Variants in ROBO3 observed in about 807,000 individuals in gnomAD.
ROBO3 encodes the protein roundabout guidance receptor 3, also known as roundabout homolog 3.
A neutral mutation model predicts 160.5 loss-of-function variants in ROBO3; 97 were observed. The observed-to-expected ratio is 0.60, with a 90% CI of 0.51 to 0.72. ROBO3 has a LOEUF of 0.72. Ranked by LOEUF, ROBO3 falls within the 30% of genes least tolerant of loss-of-function variation. ROBO3 has a pLI of 0.00. For synonymous variants in ROBO3, 780 were observed against 746.2 expected (o/e 1.05, Z -0.74); for missense variants, 1,858 against 1,846.5 (o/e 1.01, Z -0.11).
chr11:124,870,946 C>A, intron 6 of ROBO3, 68 bp from the exon 7 acceptor site: 1 of 1,575,172 alleles, frequency 6.3e-7, no homozygotes, highest in Non-Finnish European at 8.7e-7. Context: ...CTTCTCTCTC[C>A]TGTTCCTGCA....
At chr11:124,874,437 G>A (rs1409616217) in intron 12 of ROBO3, among the ~76,000 whole-genome samples, 1 of 152,172 alleles carries the variant, frequency 6.6e-6, no homozygotes, top group Non-Finnish European at 1.5e-5. Flanking sequence ...GGAGAGGGGA[G>A]GAGGGAAGAA....
At position 124,869,112 on chromosome 11, in the gene ROBO3, C is replaced by T. The variant is rs1228032187; in HGVS notation, c.471C>T (p.Ala157=). Residue 157 remains alanine (A), a synonymous_variant, in exon 2 of 28, where the codon GCC becomes GCT. Transcript: ENST00000397801. This position sits in a 1 kb window ranked among gnomAD's most constrained non-coding sequence, Gnocchi z 4.2. Reference sequence around the variant, plus strand: ...TGGGGGCAGCAGCGAGCAGAAACGCCTCGCTGGAAGTGGCAGGTGAGAGTC... The same window carrying T: ...TGGGGGCAGCAGCGAGCAGAAACGCTTCGCTGGAAGTGGCAGGTGAGAGTC... ...NYLGAAASRN[A]SLEVAVLRDD... is the part of the protein sequence containing the mutation. The T allele has an allele frequency of 1.3e-6, 2 of 1,567,036 alleles. No individual in the cohort carries two copies. Among genetic ancestry groups the T allele is most frequent in the African/African-American group, 1.4e-5 (1 of 73,960 alleles).
In ROBO3 at chr11:124,875,142, T is replaced by G. The variant is rs961180986; in HGVS notation, c.2105T>G (p.Phe702Cys). Residue 702 changes from phenylalanine to cysteine, a missense_variant, in exon 14 of 28, where the codon TTC (phenylalanine) becomes TGC (cysteine). Phe to Cys is a radical substitution (Grantham distance 205). Coordinates refer to ENST00000397801, the MANE Select transcript of ROBO3 (RefSeq NM_022370.4). Reference sequence around the variant, plus strand: ...GGCCCAGTCCAGCTGGTGCAAGGTTTCCGGGTGTCTTGGAGGGTAGCAGGC... The same window carrying G: ...GGCCCAGTCCAGCTGGTGCAAGGTTGCCGGGTGTCTTGGAGGGTAGCAGGC... ...VDGPVQLVQG[F>C]RVSWRVAGPE... 2 of 1,612,114 alleles carry G rather than the reference T, an allele frequency of 1.2e-6. No homozygotes were observed. The highest frequency in any genetic ancestry group is 1.8e-4 in the Middle Eastern group (1 of 5,682).
chr11:124,872,240 C>T lies in ROBO3; in HGVS notation c.1159-141C>T. 1.3e-6 allele frequency: 1 copy of T among 773,348 alleles called. No individual in the cohort carries two copies. Among genetic ancestry groups the T allele is most frequent in the Non-Finnish European group, 2.2e-6 (1 of 452,538 alleles). 47.9% of individuals were successfully genotyped at this position (773,348 alleles called of 1,614,324 possible). On this transcript the variant is annotated intron_variant, in intron 7 of 27. Transcript: ENST00000397801. The surrounding 1 kb of genome is among the most constrained non-coding windows in gnomAD (Gnocchi z 4.3). ...TTGTGAATACATTTAACTACTTTGC[C>T]CAAGTTCACATCACTGCTGGAGACA...
chr11:124,869,378 A>C lies in ROBO3; in HGVS notation c.488-72A>C. 1 of 1,374,284 alleles carries C rather than the reference A, an allele frequency of 7.3e-7. No homozygotes were observed. The highest frequency in any genetic ancestry group is 1.0e-6 in the Non-Finnish European group (1 of 989,108). The allele number at this position is 1,374,284 out of a possible 1,614,324, so 85.1% of individuals were successfully genotyped here. ...GCGATCAACCCCTTCCCAAGACAAC[A>C]CTTTCCCTGTGTCCTCAGCCAGTTA... is the stretch of plus-strand genomic sequence containing the variant. On this transcript the variant is annotated intron_variant, in intron 2 of 27. Transcript: ENST00000397801. This position sits in a 1 kb window ranked among gnomAD's most constrained non-coding sequence, Gnocchi z 4.2.
chr11:124,869,428 C>CGCGGG lies in ROBO3; in HGVS notation c.488-20_488-19insGGGGC. ...ATGTCACTCTACACCCTGCTTATTT[C>CGCGGG]GCCCCCCACCGCCCCGCCCAGTCCT... On this transcript the variant is annotated intron_variant, in intron 2 of 27. Transcript: ENST00000397801. This position sits in a 1 kb window ranked among gnomAD's most constrained non-coding sequence, Gnocchi z 4.2. The CGCGGG allele has an allele frequency of 7.2e-7, 1 of 1,383,810 alleles. No individual in the cohort carries two copies. Among genetic ancestry groups the CGCGGG allele is most frequent in the Non-Finnish European group, 9.9e-7 (1 of 1,012,428 alleles). 85.7% of individuals were successfully genotyped at this position (1,383,810 alleles called of 1,614,324 possible).
In ROBO3 at chr11:124,876,365, C is replaced by CGGGCAGCGGCGCAGCCTGCG; in HGVS notation, c.2689_2708dup (p.Leu904AlafsTer107). ...GTGCTGCGGGAGCCCGCCTTCCTCG[C>CGGGCAGCGGCGCAGCCTGCG]GGGCAGCGGCGCAGCCTGCGGGGCG... On this transcript the variant is annotated frameshift_variant, in exon 17 of 28. Transcript: ENST00000397801. LOFTEE classifies it high-confidence loss of function. This position sits in a 1 kb window ranked among gnomAD's most constrained non-coding sequence, Gnocchi z 5.3. The CGGGCAGCGGCGCAGCCTGCG allele has an allele frequency of 1.4e-6, 2 of 1,434,080 alleles. No individual in the cohort carries two copies. Among genetic ancestry groups the CGGGCAGCGGCGCAGCCTGCG allele is most frequent in the Non-Finnish European group, 1.8e-6 (2 of 1,102,368 alleles). 88.8% of individuals were successfully genotyped at this position (1,434,080 alleles called of 1,614,324 possible).
chr11:124,865,776 G>A lies in ROBO3; in HGVS notation c.160+39G>A, dbSNP rs1252769454. On this transcript the variant is annotated intron_variant, in intron 1 of 27. Transcript: ENST00000397801. The surrounding 1 kb of genome is among the most constrained non-coding windows in gnomAD (Gnocchi z 5.5). ...TCTTGGGGATATGGGATCCTGGGAT[G>A]GGGATGAGGTGAGAGGGCGGCGTGG... The A allele has an allele frequency of 1.3e-6, 2 of 1,566,704 alleles. No homozygotes were observed. The highest frequency in any genetic ancestry group is 1.2e-5 in the South Asian group (1 of 85,582).
intron 27 of ROBO3, 50 bp from the exon 28 acceptor site, chr11:124,881,189 T>C (rs1159690525): frequency 1.3e-6 from 2 of 1,585,130 alleles, no homozygotes; most frequent in Admixed American, 3.5e-5. Context: ...CTGGACTTGT[T>C]TGCCCTGGGC....
At position 124,869,415 on chromosome 11, in the gene ROBO3, A is replaced by T. The variant is rs1466499736; in HGVS notation, c.488-35A>T. ...TCCTCAGCCAGTTATGTCACTCTAC[A>T]CCCTGCTTATTTCGCCCCCCACCGC... is the stretch of plus-strand genomic sequence containing the variant. On this transcript the variant is annotated intron_variant, in intron 2 of 27. Coordinates refer to ENST00000397801, the MANE Select transcript of ROBO3 (RefSeq NM_022370.4). The surrounding 1 kb of genome is among the most constrained non-coding windows in gnomAD (Gnocchi z 4.2). 2.0e-6 allele frequency: 3 copies of T among 1,498,724 alleles called. No individual in the cohort carries two copies. The highest frequency in any genetic ancestry group is 2.4e-5 in the South Asian group (2 of 83,190). 92.8% of individuals were successfully genotyped at this position (1,498,724 alleles called of 1,614,324 possible).
In ROBO3 at chr11:124,870,242, A is replaced by G; in HGVS notation, c.844A>G (p.Lys282Glu). The G allele has an allele frequency of 6.2e-7, 1 of 1,613,952 alleles. No individual in the cohort carries two copies. Among genetic ancestry groups the G allele is most frequent in the South Asian group, 1.1e-5 (1 of 91,080 alleles). ...DAPVTFLCEV[K>E]GDPPPRLRWR... Reference sequence around the variant, plus strand: ...CCCTGTGACTTTCCTATGTGAGGTGAAGGGGGATCCCCCACCTCGTCTACG... The same window carrying G: ...CCCTGTGACTTTCCTATGTGAGGTGGAGGGGGATCCCCCACCTCGTCTACG... Residue 282 changes from lysine (K) to glutamate (E), a missense_variant, in exon 5 of 28, where the codon AAG becomes GAG. Transcript: ENST00000397801.
intron 23 of ROBO3, 84 bp from the exon 24 acceptor site, chr11:124,879,103 GGTT>G: frequency 7.0e-7 from 1 of 1,420,322 alleles, no homozygotes; most frequent in Non-Finnish European, 9.5e-7. Flanking sequence ...TTATCTGTTA[GGTT>G]GATTGTCTAG....
In ROBO3 at chr11:124,865,862, C is replaced by T. The variant is rs925594635; in HGVS notation, c.160+125C>T. On this transcript the variant is annotated intron_variant, in intron 1 of 27. Coordinates refer to ENST00000397801, the MANE Select transcript of ROBO3 (RefSeq NM_022370.4). This position sits in a 1 kb window ranked among gnomAD's most constrained non-coding sequence, Gnocchi z 5.5. ...GATTGAGTGGCGCCTCCCAGCGCCTCCCTGGGTCGTGGGGTCTAAGGGATA... is the reference window on the plus strand; with the variant it reads ...GATTGAGTGGCGCCTCCCAGCGCCTTCCTGGGTCGTGGGGTCTAAGGGATA... 41 of 1,143,114 alleles carry T rather than the reference C, an allele frequency of 3.6e-5. No individual in the cohort carries two copies. The African/African-American group carries it at 5.5e-4, about 15-fold the overall frequency. The allele number at this position is 1,143,114 out of a possible 1,614,324, so 70.8% of individuals were successfully genotyped here.
Position 124,876,019 on chromosome 11 carries a change from C to G in ROBO3, c.2487C>G (p.Ser829=). Residue 829 remains serine (S), a synonymous_variant, in exon 16 of 28, where the codon TCC becomes TCG. Transcript: ENST00000397801. This position sits in a 1 kb window ranked among gnomAD's most constrained non-coding sequence, Gnocchi z 5.3. Reference sequence around the variant, plus strand: ...GATCTGCAGCAGGCTGGGCACGCTCCGCAATGCTCCGAGGACTGGTGCCCG... The same window carrying G: ...GATCTGCAGCAGGCTGGGCACGCTCGGCAATGCTCCGAGGACTGGTGCCCG... ...LNRSAAGWAR[S]AMLRGLVPGL... The G allele has an allele frequency of 6.2e-7, 1 of 1,603,018 alleles. No individual in the cohort carries two copies. Among genetic ancestry groups the G allele is most frequent in the Non-Finnish European group, 8.5e-7 (1 of 1,175,358 alleles).
chr11:124,865,718 C>G lies in ROBO3; in HGVS notation c.141C>G (p.Pro47=). The G allele has an allele frequency of 6.2e-7, 1 of 1,609,642 alleles. No individual in the cohort carries two copies. Among genetic ancestry groups the G allele is most frequent in the Admixed American group, 1.7e-5 (1 of 59,620 alleles). The stretch of plus-strand genomic sequence containing the variant: ...CGCTCAACCACACCCTGCTGCCTCC[C>G]GGCGATCCCTCTCTCAACGGTGAGA... The part of the protein sequence containing the change: ...LAALNHTLLP[P]GDPSLNGSRV... Residue 47 remains proline (P), a synonymous_variant, in exon 1 of 28, where the codon CCC becomes CCG. Transcript: ENST00000397801. This position sits in a 1 kb window ranked among gnomAD's most constrained non-coding sequence, Gnocchi z 5.5.
Position 124,873,214 on chromosome 11 carries a change from T to C in ROBO3, c.1537-96T>C, listed in dbSNP as rs191628475. 2.5e-4 allele frequency: 352 copies of C among 1,396,484 alleles called. 2 individuals carry two copies. The Middle Eastern group carries it at 2.6e-3, about 10-fold the overall frequency. The allele number at this position is 1,396,484 out of a possible 1,614,324, so 86.5% of individuals were successfully genotyped here. A position where few individuals can be genotyped will look rare whatever the true frequency, so the allele number is the denominator to read the frequency against. ...CCCTCTGTTCTCTCAGAGCACCTAG[T>C]ATCCAACATCTTCCCATCCTTCTGC... is the stretch of plus-strand genomic sequence containing the variant. On this transcript the variant is annotated intron_variant, in intron 9 of 27. Coordinates refer to ENST00000397801, the MANE Select transcript of ROBO3 (RefSeq NM_022370.4). The surrounding 1 kb of genome is among the most constrained non-coding windows in gnomAD (Gnocchi z 4.5).
chr11:124,870,257 C>G lies in ROBO3; in HGVS notation c.859C>G (p.Pro287Ala). Residue 287 changes from proline (P) to alanine (A), a missense_variant, in exon 5 of 28, where the codon CCT (proline) becomes GCT (alanine). Pro to Ala is a conservative substitution (Grantham distance 27, BLOSUM62 -1). Coordinates refer to ENST00000397801, the MANE Select transcript of ROBO3 (RefSeq NM_022370.4). ...ATGTGAGGTGAAGGGGGATCCCCCACCTCGTCTACGCTGGCGCAAGGAGGA... is the reference window on the plus strand; with the variant it reads ...ATGTGAGGTGAAGGGGGATCCCCCAGCTCGTCTACGCTGGCGCAAGGAGGA... ...FLCEVKGDPP[P>A]RLRWRKEDGE... 6.2e-7 allele frequency: 1 copy of G among 1,614,062 alleles called. No homozygotes were observed. Among genetic ancestry groups the G allele is most frequent in the East Asian group, 2.2e-5 (1 of 44,882 alleles).
chr11:124,865,800 G>T lies in ROBO3; in HGVS notation c.160+63G>T. Reference sequence around the variant, plus strand: ...TGGGGATGAGGTGAGAGGGCGGCGTGGAAGGGAAGGAGAAGCGCTCCTGTC... The same window carrying T: ...TGGGGATGAGGTGAGAGGGCGGCGTTGAAGGGAAGGAGAAGCGCTCCTGTC... On this transcript the variant is annotated intron_variant, in intron 1 of 27. Transcript: ENST00000397801. This position sits in a 1 kb window ranked among gnomAD's most constrained non-coding sequence, Gnocchi z 5.5. The T allele has an allele frequency of 6.7e-7, 1 of 1,495,972 alleles. No homozygotes were observed. The highest frequency in any genetic ancestry group is 9.0e-7 in the Non-Finnish European group (1 of 1,116,670). The allele number at this position is 1,495,972 out of a possible 1,614,324, so 92.7% of individuals were successfully genotyped here.
In ROBO3 at chr11:124,865,447, G is replaced by A; in HGVS notation, c.-131G>A. The A allele has an allele frequency of 1.1e-6, 1 of 882,150 alleles. No individual in the cohort carries two copies. The highest frequency in any genetic ancestry group is 1.7e-6 in the Non-Finnish European group (1 of 585,780). The allele number at this position is 882,150 out of a possible 1,614,324, so 54.6% of individuals were successfully genotyped here. ...GGCACCGACCGTACCCAGGCGCACC[G>A]GCAGGAGAGCGGCACCGTGGCTGCC... On this transcript the variant is annotated 5_prime_UTR_variant, in exon 1 of 28. Transcript: ENST00000397801. This position sits in a 1 kb window ranked among gnomAD's most constrained non-coding sequence, Gnocchi z 5.5.
Sources: gnomAD v4.1 joint callset for allele counts (sites outside exome capture counted in the v4.1 genomes callset) on GRCh38, gnomAD v4.1.1 for gene constraint, Gnocchi (gnomAD v3.1) non-coding constraint, MANE v1.5 for transcripts, NCBI Gene and HGNC (gene_info 2026-07-23, HGNC 2026-07-21) for gene names.